Variants in GRIN2B observed in about 807,000 individuals in gnomAD.
The protein encoded by GRIN2B is glutamate receptor ionotropic, NMDA 2B.
A neutral mutation model predicts 114.5 loss-of-function variants in GRIN2B; 5 were observed. The ratio of observed to expected loss-of-function variants is 0.04; its 90% confidence interval spans 0.02 to 0.09. The LOEUF (loss-of-function observed/expected upper bound fraction) is 0.09, where lower values mean the gene tolerates loss of function less well. Among genes scored for constraint, GRIN2B ranks in the 10% least tolerant of loss-of-function variants. The pLI is 1.00. For missense variants in GRIN2B, 1,108 were observed against 1,943.5 expected (o/e 0.57, Z 8.08); for synonymous variants, 787 against 745.1 (o/e 1.06, Z -0.92).
chr12:13,923,695 T>C (rs1396106096), intron 2 of GRIN2B, among the ~76,000 whole-genome samples: 8 of 152,098 alleles, frequency 5.3e-5, no homozygotes, highest in Non-Finnish European at 1.2e-4. Context: ...CTCTCTTGGG[T>C]AGAAAGCATG....
intron 3 of GRIN2B, among the ~76,000 whole-genome samples, chr12:13,836,666 GTC>G (rs1865271730): frequency 1.3e-5 from 2 of 152,050 alleles, no homozygotes; most frequent in Non-Finnish European, 1.5e-5. Context: ...TCTTTCAGAA[GTC>G]TCTCCCCTAG....
Position 13,583,813 on chromosome 12 carries a change from C to A in GRIN2B, c.2011-11849G>T, listed in dbSNP as rs541257520. Among the ~76,000 whole-genome samples, 207 of 152,096 alleles carry A rather than the reference C, an allele frequency of 1.4e-3. 1 individual carries two copies. The highest frequency in any genetic ancestry group is 4.7e-3 in the African/African-American group (194 of 41,502). Reference sequence around the variant, plus strand: ...CTGACGTTGGGAGGAATGTTTGGCGCCTAGATAGAAACCATCCCATGGAGC... The same window carrying A: ...CTGACGTTGGGAGGAATGTTTGGCGACTAGATAGAAACCATCCCATGGAGC... On this transcript the variant is annotated intron_variant, in intron 10 of 13. Transcript: ENST00000609686.
intron 4 of GRIN2B, among the ~76,000 whole-genome samples, chr12:13,740,348 G>A (rs1244960276): frequency 1.3e-5 from 2 of 152,136 alleles, no homozygotes; most frequent in African/African-American, 2.4e-5. Flanking sequence ...CCCGGCATCC[G>A]GCACAGGGTT....
intron 2 of GRIN2B, among the ~76,000 whole-genome samples, chr12:13,941,294 C>T (rs1026917876): frequency 6.6e-6 from 1 of 152,144 alleles, no homozygotes; most frequent in African/African-American, 2.4e-5. Context: ...GCTAAAAATG[C>T]CTGTAACTAG....
chr12:13,625,906 A>G (rs867354134), intron 5 of GRIN2B, among the ~76,000 whole-genome samples: 1 of 152,212 alleles, frequency 6.6e-6, no homozygotes, highest in African/African-American at 2.4e-5. Context: ...AGAAAAGGGC[A>G]TTAATTCTTT....
At chr12:13,704,254 C>T (rs1565506818) in intron 4 of GRIN2B, among the ~76,000 whole-genome samples, 1 of 152,046 alleles carries the variant, frequency 6.6e-6, no homozygotes, top group Admixed American at 6.6e-5. Context: ...GGGGCTACAC[C>T]ACCACCATGC....
In GRIN2B at chr12:13,567,238, G is replaced by C. The variant is rs776902375; in HGVS notation, c.2385C>G (p.Leu795=). The change falls in exon 13 of 14, where the codon CTC becomes CTG. Residue 795 remains leucine, a synonymous_variant. Transcript: ENST00000609686. ...CATTGTGACAAATGCCAGTGAGCCA[G>C]AGAGCTTCCAGTTCTTCCATCTCCC... The part of the protein sequence containing the change: ...GDGEMEELEA[L]WLTGICHNEK... The C allele has an allele frequency of 6.2e-7, 1 of 1,613,940 alleles. No homozygotes were observed. The highest frequency in any genetic ancestry group is 8.5e-7 in the Non-Finnish European group (1 of 1,179,852).
chr12:13,969,273 G>A (rs1867838686), intron 2 of GRIN2B, among the ~76,000 whole-genome samples: 1 of 152,118 alleles, frequency 6.6e-6, no homozygotes, highest in South Asian at 2.1e-4. Context: ...AAGTTTCCAA[G>A]TACAGGCTGT....
chr12:13,875,264 G>A (rs997317305), intron 2 of GRIN2B, among the ~76,000 whole-genome samples: 16 of 152,170 alleles, frequency 1.1e-4, no homozygotes, highest in Admixed American at 5.9e-4. Flanking sequence ...TGTGGCTCAC[G>A]CCTTTAGTAA....
chr12:13,856,597 T>G (rs1865664457), intron 3 of GRIN2B, among the ~76,000 whole-genome samples: 1 of 152,180 alleles, frequency 6.6e-6, no homozygotes, highest in Admixed American at 6.5e-5. Context: ...ACTCCCTTTT[T>G]AGAACTCTTG....
intron 2 of GRIN2B, among the ~76,000 whole-genome samples, chr12:13,915,520 C>A (rs529069924): frequency 6.6e-6 from 1 of 152,176 alleles, no homozygotes; most frequent in Non-Finnish European, 1.5e-5. Flanking sequence ...GCTCCAGGCC[C>A]CTTGTAACAA....
intron 2 of GRIN2B, among the ~76,000 whole-genome samples, chr12:13,918,913 C>T (rs1392042154): frequency 1.3e-5 from 2 of 152,184 alleles, no homozygotes; most frequent in East Asian, 3.8e-4. Context: ...CTCAATCCTT[C>T]CACCCACTCA....
chr12:13,657,899 CAT>C lies in GRIN2B; in HGVS notation c.1125+17844_1125+17845del, dbSNP rs1486137644. On this transcript the variant is annotated intron_variant, in intron 5 of 13. Coordinates refer to ENST00000609686, the MANE Select transcript of GRIN2B (RefSeq NM_000834.5). ...TCTCAATTTTATAAAAATATTCCCA[CAT>C]GTTTTTATAAAACACATTTATAGGC... is the stretch of plus-strand genomic sequence containing the variant. Among the ~76,000 whole-genome samples the C allele has an allele frequency of 5.9e-5, 9 of 152,098 alleles. No individual in the cohort carries two copies. The East Asian group carries it at 7.7e-4, about 13-fold the overall frequency.
intron 4 of GRIN2B, among the ~76,000 whole-genome samples, chr12:13,703,169 A>T (rs1204345188): frequency 6.6e-6 from 1 of 152,136 alleles, no homozygotes; most frequent in African/African-American, 2.4e-5. Context: ...TTAGAAAAAG[A>T]TTGTATGCAA....
chr12:13,570,078 G>A, intron 11 of GRIN2B, 61 bp from the exon 12 acceptor site: 2 of 1,147,324 alleles, frequency 1.7e-6, no homozygotes, highest in Non-Finnish European at 2.6e-6. Flanking sequence ...CTACCTGTGG[G>A]GCCATTAATA....
At position 13,548,276 on chromosome 12, in the gene GRIN2B, C is replaced by G. The variant is rs1406569201; in HGVS notation, c.*14507G>C. The G allele has an allele frequency of 6.6e-6, 1 of 151,896 alleles. No homozygotes were observed. Among genetic ancestry groups the G allele is most frequent in the African/African-American group, 2.4e-5 (1 of 41,348 alleles). The allele number at this position is 151,896 out of a possible 1,614,324, so 9.4% of individuals were successfully genotyped here. A position where few individuals can be genotyped will look rare whatever the true frequency, so the allele number is the denominator to read the frequency against. ...GGAAGATATCTTTATGTTGTGTATA[C>G]TCGGTTTAGTGGCTTCAGTCTTGTG... On this transcript the variant is annotated 3_prime_UTR_variant, in exon 14 of 14. Transcript: ENST00000609686.
At chr12:13,919,263 A>G (rs1228036799) in intron 2 of GRIN2B, among the ~76,000 whole-genome samples, 1 of 152,222 alleles carries the variant, frequency 6.6e-6, no homozygotes, top group Non-Finnish European at 1.5e-5. Context: ...AATCTAGTTT[A>G]TACTTTATGG....
chr12:13,827,229 C>CTTTTTTTTTTTTTTTT (rs57007962), intron 3 of GRIN2B, among the ~76,000 whole-genome samples: 18 of 98,612 alleles, frequency 1.8e-4, no homozygotes, highest in South Asian at 3.4e-4. Context: ...TTGTTGTTTT[C>CTTTTTTTTTTTTTTTT]TTTTTTTTTT....
intron 10 of GRIN2B, among the ~76,000 whole-genome samples, chr12:13,593,624 A>C (rs1038142656): frequency 6.6e-6 from 1 of 152,208 alleles, no homozygotes; most frequent in African/African-American, 2.4e-5. Flanking sequence ...ACCACTCAGA[A>C]CATAGGCATG....
Sources: gnomAD v4.1 joint callset for allele counts (sites outside exome capture counted in the v4.1 genomes callset) on GRCh38, gnomAD v4.1.1 for gene constraint, MANE v1.5 for transcripts, NCBI Gene and HGNC (gene_info 2026-07-23, HGNC 2026-07-21) for gene names.